TLE4: variants seen among roughly 807,000 people sequenced by gnomAD.
TLE4 encodes the protein transducin-like enhancer protein 4.
In TLE4, 8 loss-of-function variants were observed where a neutral mutation model predicts 92.8. The observed-to-expected ratio is 0.09, with a 90% CI of 0.05 to 0.16. The LOEUF is 0.16. Among genes scored for constraint, TLE4 ranks in the 10% least tolerant of loss-of-function variants. TLE4 has a pLI of 1.00. For missense variants in TLE4, 675 were observed against 997.6 expected (o/e 0.68, Z 4.36); for synonymous variants, 371 against 374.1 (o/e 0.99, Z 0.10).
intron 14 of TLE4, among the ~76,000 whole-genome samples, chr9:79,718,374 C>T (rs1344090894): frequency 6.6e-6 from 1 of 152,162 alleles, no homozygotes; most frequent in Non-Finnish European, 1.5e-5. Context: ...TAGGGCATCC[C>T]TGAAAGGTGG....
At chr9:79,664,978 G>A (rs892703088) in intron 8 of TLE4, among the ~76,000 whole-genome samples, 4 of 151,916 alleles carry the variant, frequency 2.6e-5, no homozygotes, top group Non-Finnish European at 4.4e-5. Flanking sequence ...AATGTTTCAC[G>A]ATGGATGTAG....
chr9:79,598,808 G>T (rs548170116), intron 4 of TLE4, among the ~76,000 whole-genome samples: 1 of 151,928 alleles, frequency 6.6e-6, no homozygotes, highest in Non-Finnish European at 1.5e-5. Flanking sequence ...AACACATGGC[G>T]TTTGTTATTG....
chr9:79,679,394 G>GT (rs2063961855), intron 8 of TLE4, among the ~76,000 whole-genome samples: 1 of 152,124 alleles, frequency 6.6e-6, no homozygotes, highest in African/African-American at 2.4e-5. Flanking sequence ...TTTTTCATGT[G>GT]TTTTTTGGCT....
chr9:79,715,052 C>A (rs909403324), intron 14 of TLE4, among the ~76,000 whole-genome samples: 1 of 152,128 alleles, frequency 6.6e-6, no homozygotes, highest in Non-Finnish European at 1.5e-5. Context: ...TCTTGGAATT[C>A]ATTTGGACTC....
At chr9:79,707,656 C>T (rs993532266) in intron 11 of TLE4, among the ~76,000 whole-genome samples, 1 of 152,002 alleles carries the variant, frequency 6.6e-6, no homozygotes, top group African/African-American at 2.4e-5. Context: ...TTCTCTTGGC[C>T]TTCTGGCCTT....
Position 79,574,929 on chromosome 9 carries a change from A to G in TLE4, c.200A>G (p.Tyr67Cys). 6.2e-7 allele frequency: 1 copy of G among 1,613,422 alleles called. No individual in the cohort carries two copies. Among genetic ancestry groups the G allele is most frequent in the Non-Finnish European group, 8.5e-7 (1 of 1,179,472 alleles). ...GAGAAGACAGAGATGCAGCGGCATT[A>G]TGTCATGGTAAGAAAACCATGTCAC... ...ASEKTEMQRHYVMYYEMSYGL... is the reference protein window; with the variant it reads ...ASEKTEMQRHCVMYYEMSYGL... Residue 67 changes from tyrosine (Y) to cysteine (C), a missense_variant, in exon 3 of 20, where the codon TAT becomes TGT. Around this residue, in one of 5 missense-constraint regions of TLE4, gnomAD observed 68 missense variants for 141.2 expected, o/e 0.48. Transcript: ENST00000376552.
At chr9:79,691,864 A>AT (rs1203179077) in intron 8 of TLE4, among the ~76,000 whole-genome samples, 1 of 152,038 alleles carries the variant, frequency 6.6e-6, no homozygotes, top group African/African-American at 2.4e-5. Flanking sequence ...CATTTATTTT[A>AT]TTTTTTATTA....
intron 4 of TLE4, among the ~76,000 whole-genome samples, chr9:79,592,148 C>T (rs149698144): frequency 8.3e-4 from 123 of 148,666 alleles, no homozygotes; most frequent in African/African-American, 2.9e-3. Flanking sequence ...CTTCTTTCTT[C>T]TTTCTTCTTC....
At chr9:79,572,972 C>A in intron 1 of TLE4, 137 bp downstream of exon 1, 1 of 920,518 alleles carries the variant, frequency 1.1e-6, no homozygotes, top group Non-Finnish European at 1.6e-6. Flanking sequence ...CCGGGAGCAG[C>A]CCGCCCGCCA....
intron 14 of TLE4, among the ~76,000 whole-genome samples, 163 bp downstream of exon 14, chr9:79,709,862 G>T (rs1300388797): frequency 6.6e-6 from 1 of 152,226 alleles, no homozygotes; most frequent in African/African-American, 2.4e-5. Flanking sequence ...AAGAAGAGAA[G>T]TAATGAAGTG....
At chr9:79,580,097 C>G (rs922793074) in intron 4 of TLE4, 1 of 152,158 alleles carries the variant, frequency 6.6e-6, no homozygotes, top group East Asian at 1.9e-4. Context: ...CTTGAAGAGG[C>G]CGACTGCTGC....
At chr9:79,677,010 G>A (rs1441859747) in intron 8 of TLE4, among the ~76,000 whole-genome samples, 1 of 152,054 alleles carries the variant, frequency 6.6e-6, no homozygotes, top group Non-Finnish European at 1.5e-5. Flanking sequence ...TAGTATTATG[G>A]AAGGTATAAT....
At chr9:79,589,219 G>C (rs866692396) in intron 4 of TLE4, among the ~76,000 whole-genome samples, 1 of 152,168 alleles carries the variant, frequency 6.6e-6, no homozygotes, top group African/African-American at 2.4e-5. Context: ...GGGGCATAAT[G>C]ACCTCTTTGA....
Position 79,574,802 on chromosome 9 carries a change from G to C in TLE4, c.144-71G>C, listed in dbSNP as rs112466188. Reference sequence around the variant, plus strand: ...TTTAGTTGTTTGTAGGTGAGATTTAGAATATGCGTTTAAGAGTTGAAGGAT... The same window carrying C: ...TTTAGTTGTTTGTAGGTGAGATTTACAATATGCGTTTAAGAGTTGAAGGAT... On this transcript the variant is annotated intron_variant, in intron 2 of 19. Transcript: ENST00000376552. 1.3e-3 allele frequency: 1,651 copies of C among 1,283,128 alleles called. 23 individuals are homozygous for C. In the African/African-American group the frequency reaches 0.021, roughly 16 times the overall value. The allele number at this position is 1,283,128 out of a possible 1,614,324, so 79.5% of individuals were successfully genotyped here.
intron 8 of TLE4, among the ~76,000 whole-genome samples, chr9:79,661,783 A>G (rs565552282): frequency 2.0e-5 from 3 of 152,366 alleles, no homozygotes; most frequent in African/African-American, 7.2e-5. Context: ...ATTATTTAGA[A>G]CCAATCCAAT....
intron 5 of TLE4, among the ~76,000 whole-genome samples, chr9:79,625,801 A>C (rs1410955118): frequency 6.6e-6 from 1 of 151,752 alleles, no homozygotes; most frequent in Non-Finnish European, 1.5e-5. Context: ...CAGAGAAAGA[A>C]ATTTTTTTCT....
At chr9:79,661,591 T>G (rs1002557211) in intron 8 of TLE4, among the ~76,000 whole-genome samples, 1 of 152,220 alleles carries the variant, frequency 6.6e-6, no homozygotes, top group African/African-American at 2.4e-5. Flanking sequence ...AAAGAGTTTT[T>G]GATGCTTTTA....
At chr9:79,716,735 T>C (rs188806321) in intron 14 of TLE4, among the ~76,000 whole-genome samples, 74 of 152,328 alleles carry the variant, frequency 4.9e-4, no homozygotes, top group Admixed American at 1.9e-3. Flanking sequence ...TCCTTTTCAC[T>C]CTGTTAAATT....
At chr9:79,675,589 T>C (rs935228369) in intron 8 of TLE4, among the ~76,000 whole-genome samples, 3 of 152,204 alleles carry the variant, frequency 2.0e-5, no homozygotes, top group Non-Finnish European at 2.9e-5. Flanking sequence ...CATAAAATCC[T>C]GAAATCAGTA....
Sources: gnomAD v4.1 joint callset for allele counts (sites outside exome capture counted in the v4.1 genomes callset) on GRCh38, gnomAD v4.1.1 for gene constraint, gnomAD v4.1.1 regional missense constraint, MANE v1.5 for transcripts, NCBI Gene and HGNC (gene_info 2026-07-23, HGNC 2026-07-21) for gene names.